ZNF618: variants seen among roughly 807,000 people sequenced by gnomAD.
The protein encoded by ZNF618 is neural precursor cell expressed, developmentally down-regulated 10.
Under a neutral mutation model 103.0 loss-of-function variants are expected in ZNF618, and 34 were observed. The observed-to-expected ratio is 0.33, with a 90% CI of 0.25 to 0.44. ZNF618 has a LOEUF of 0.44. Among genes scored for constraint, ZNF618 ranks in the 20% least tolerant of loss-of-function variants. The pLI is 1.00. For missense variants in ZNF618, 1,059 were observed against 1,295.4 expected (o/e 0.82, Z 2.80); for synonymous variants, 551 against 542.2 (o/e 1.02, Z -0.23).
chr9:113,886,627 T>A (rs1829093935), intron 1 of ZNF618, among the ~76,000 whole-genome samples: 1 of 152,086 alleles, frequency 6.6e-6, no homozygotes. Flanking sequence ...TAGTCTGAAA[T>A]GAGACCTCAG....
chr9:113,976,175 T>A (rs1838451767), intron 2 of ZNF618, among the ~76,000 whole-genome samples: 1 of 152,218 alleles, frequency 6.6e-6, no homozygotes, highest in South Asian at 2.1e-4. Context: ...CCGTGAGTTG[T>A]TTGTGCCAAA....
At chr9:113,946,569 A>G (rs1835053828) in intron 1 of ZNF618, among the ~76,000 whole-genome samples, 1 of 152,100 alleles carries the variant, frequency 6.6e-6, no homozygotes, top group South Asian at 2.1e-4. Flanking sequence ...CCGCACCTAG[A>G]GGAAGGGACT....
intron 10 of ZNF618, among the ~76,000 whole-genome samples, chr9:114,017,837 A>T (rs972104921): frequency 6.6e-6 from 1 of 152,096 alleles, no homozygotes; most frequent in Non-Finnish European, 1.5e-5. Context: ...TTGGATAGGG[A>T]GGGAGAAGTA....
chr9:113,959,976 C>T (rs1053243056), intron 1 of ZNF618, among the ~76,000 whole-genome samples: 1 of 152,228 alleles, frequency 6.6e-6, no homozygotes, highest in South Asian at 2.1e-4. Context: ...TCTTCCATCT[C>T]TCCCAGGGGC....
At chr9:113,994,504 C>T (rs1840373306) in intron 3 of ZNF618, among the ~76,000 whole-genome samples, 1 of 152,190 alleles carries the variant, frequency 6.6e-6, no homozygotes, top group South Asian at 2.1e-4. Context: ...TAGAAAGGGC[C>T]CTTGGGCTGT....
At chr9:114,041,179 T>A (rs926860241) in intron 13 of ZNF618, among the ~76,000 whole-genome samples, 9 of 151,940 alleles carry the variant, frequency 5.9e-5, no homozygotes, top group Admixed American at 1.3e-4. Context: ...GATGGGGTTG[T>A]TTTTTTTCTT....
At chr9:114,035,224 C>G (rs1423800790) in intron 12 of ZNF618, 4 of 985,972 alleles carry the variant, frequency 4.1e-6, no homozygotes, top group Non-Finnish European at 4.8e-6. Context: ...AACCCTTTCC[C>G]TCTCCTACAG....
chr9:113,905,709 G>A (rs978603172), intron 1 of ZNF618, among the ~76,000 whole-genome samples: 6 of 152,126 alleles, frequency 3.9e-5, no homozygotes, highest in African/African-American at 9.7e-5. Context: ...ATACACATGC[G>A]CTGATCAGCA....
intron 1 of ZNF618, among the ~76,000 whole-genome samples, chr9:113,885,805 C>T (rs1829011341): frequency 6.6e-6 from 1 of 152,050 alleles, no homozygotes; most frequent in Non-Finnish European, 1.5e-5. Flanking sequence ...GGCGACAACT[C>T]CTTTCTTAAA....
intron 11 of ZNF618, among the ~76,000 whole-genome samples, chr9:114,030,485 G>A (rs139031306): frequency 9.1e-4 from 139 of 152,248 alleles, no homozygotes; most frequent in African/African-American, 3.0e-3. Context: ...TGCAGAGGGC[G>A]GCCCACAGGG....
intron 1 of ZNF618, among the ~76,000 whole-genome samples, chr9:113,939,159 TC>T (rs1834321155): frequency 1.3e-5 from 2 of 152,224 alleles, no homozygotes; most frequent in South Asian, 4.1e-4. Context: ...TCTTGGTTAT[TC>T]CTGACTTCAA....
Position 114,048,013 on chromosome 9 carries a change from G to A in ZNF618, c.1348+19G>A. Reference sequence around the variant, plus strand: ...AATAACAGTAGGTCTCCCCAAGCAGGGCTGGACCTGAGGGTCCCCTTATGC... The same window carrying A: ...AATAACAGTAGGTCTCCCCAAGCAGAGCTGGACCTGAGGGTCCCCTTATGC... On this transcript the variant is annotated intron_variant, in intron 14 of 14. Coordinates refer to ENST00000374126, the MANE Select transcript of ZNF618 (RefSeq NM_001318042.2). 1 of 1,558,510 alleles carries A rather than the reference G, an allele frequency of 6.4e-7. No homozygotes were observed. Among genetic ancestry groups the A allele is most frequent in the Non-Finnish European group, 8.7e-7 (1 of 1,150,202 alleles).
chr9:114,046,372 G>A (rs894044732), intron 13 of ZNF618, among the ~76,000 whole-genome samples: 1 of 152,076 alleles, frequency 6.6e-6, no homozygotes, highest in Admixed American at 6.5e-5. Flanking sequence ...TTGTGGTACA[G>A]TTGCCTGAAG....
chr9:114,002,183 C>T (rs778332495), intron 5 of ZNF618, 110 bp downstream of exon 5: 17 of 929,636 alleles, frequency 1.8e-5, no homozygotes, highest in Non-Finnish European at 2.6e-5. Flanking sequence ...CAGCTCCAGC[C>T]TTTCCCATTC....
intron 1 of ZNF618, among the ~76,000 whole-genome samples, chr9:113,933,894 TG>T (rs1390246241): frequency 1.3e-5 from 2 of 151,710 alleles, no homozygotes; most frequent in African/African-American, 2.4e-5. Flanking sequence ...GCAGCTCCTG[TG>T]GGGGCCAGGA....
intron 13 of ZNF618, among the ~76,000 whole-genome samples, chr9:114,047,489 G>C (rs974711349): frequency 3.9e-5 from 6 of 152,126 alleles, no homozygotes; most frequent in Non-Finnish European, 8.8e-5. Context: ...GGCCACTTGG[G>C]GGGTGTAGCT....
chr9:113,953,256 C>T (rs896129810), intron 1 of ZNF618, among the ~76,000 whole-genome samples: 11 of 152,138 alleles, frequency 7.2e-5, no homozygotes, highest in South Asian at 4.2e-4. Context: ...GGCCTATCCT[C>T]GGGAGAGATG....
At chr9:113,951,549 A>ACATC (rs1564208026) in intron 1 of ZNF618, among the ~76,000 whole-genome samples, 1 of 27,898 alleles carries the variant, frequency 3.6e-5, no homozygotes, top group Non-Finnish European at 9.1e-5. Context: ...ATATGTACAC[A>ACATC]TATGTGTGTG....
At chr9:113,982,733 C>T (rs1223164929) in intron 2 of ZNF618, among the ~76,000 whole-genome samples, 2 of 152,184 alleles carry the variant, frequency 1.3e-5, no homozygotes, top group African/African-American at 4.8e-5. Context: ...CCTTGCTCAA[C>T]ACTACCATCC....
Sources: gnomAD v4.1 joint callset for allele counts (sites outside exome capture counted in the v4.1 genomes callset) on GRCh38, gnomAD v4.1.1 for gene constraint, MANE v1.5 for transcripts, NCBI Gene and HGNC (gene_info 2026-07-23, HGNC 2026-07-21) for gene names.